Variants in VWA5B1 observed in about 807,000 individuals in gnomAD.
The protein encoded by VWA5B1 is von Willebrand factor A domain-containing protein 5B1.
Under a neutral mutation model 118.2 loss-of-function variants are expected in VWA5B1, and 115 were observed. The ratio of observed to expected loss-of-function variants is 0.97; its 90% CI spans 0.84 to 1.14. The LOEUF is 1.14. Ranked by LOEUF, VWA5B1 falls within the 50% of genes most tolerant of loss-of-function variation. The pLI, the probability that VWA5B1 is intolerant of heterozygous loss-of-function variation, is 0.00. For missense variants in VWA5B1, 1,596 were observed against 1,603.8 expected (o/e 1.00, Z 0.08); for synonymous variants, 682 against 658.4 (o/e 1.04, Z -0.55).
chr1:20,306,548 C>T (rs1406630211), intron 1 of VWA5B1, among the ~76,000 whole-genome samples: 1 of 152,208 alleles, frequency 6.6e-6, no homozygotes, highest in Non-Finnish European at 1.5e-5. Flanking sequence ...TATCTCTACT[C>T]ACGCCTGCCT....
At chr1:20,297,420 C>G (rs1041517322) in intron 1 of VWA5B1, among the ~76,000 whole-genome samples, 2 of 152,242 alleles carry the variant, frequency 1.3e-5, no homozygotes, top group African/African-American at 4.8e-5. Context: ...AAGTGACACA[C>G]GTCGCTTCCA....
At position 20,354,041 on chromosome 1, in the gene VWA5B1, G is replaced by A. The variant is rs1000679260; in HGVS notation, c.3426G>A (p.Thr1142=). 1.5e-5 allele frequency: 24 copies of A among 1,551,548 alleles called. No homozygotes were observed. Among genetic ancestry groups the A allele is most frequent in the Admixed American group, 3.9e-5 (2 of 50,992 alleles). The change falls in exon 22 of 22, where the codon ACG becomes ACA. Residue 1142 remains threonine, a synonymous_variant. Coordinates refer to ENST00000289815, the MANE Select transcript of VWA5B1 (RefSeq NM_001039500.3). Reference sequence around the variant, plus strand: ...AGCACACTGGGAAGCTGTGGGCCACGGTGGTGGGGCTGGCATGGCTGGAGC... The same window carrying A: ...AGCACACTGGGAAGCTGTGGGCCACAGTGGTGGGGCTGGCATGGCTGGAGC... ...VVEHTGKLWA[T]VVGLAWLEHS...
chr1:20,350,635 C>T (rs1025430440), intron 19 of VWA5B1, among the ~76,000 whole-genome samples: 4 of 152,340 alleles, frequency 2.6e-5, no homozygotes, highest in African/African-American at 7.2e-5. Flanking sequence ...CAGGGGCTGC[C>T]GGCCAAGGAA....
chr1:20,327,763 G>A, intron 8 of VWA5B1, 127 bp from the exon 9 acceptor site: 1 of 798,600 alleles, frequency 1.3e-6, no homozygotes, highest in Non-Finnish European at 2.1e-6. Context: ...GTTGCTGGGT[G>A]CAGACAGAGG....
intron 1 of VWA5B1, among the ~76,000 whole-genome samples, chr1:20,308,436 TC>T (rs939124483): frequency 6.6e-6 from 1 of 152,060 alleles, no homozygotes; most frequent in African/African-American, 2.4e-5. Flanking sequence ...AAGGCTGCGT[TC>T]CCCAATCAGC....
At chr1:20,330,095 T>C in intron 9 of VWA5B1, 85 bp from the exon 10 acceptor site, 2 of 1,451,634 alleles carry the variant, frequency 1.4e-6, no homozygotes, top group Non-Finnish European at 1.9e-6. Context: ...TAAAAGAAGA[T>C]CTAGGGAAAC....
In VWA5B1 at chr1:20,336,465, G is replaced by T; in HGVS notation, c.1921G>T (p.Gly641Ter). The change falls in exon 13 of 22, where the codon GGA (glycine) becomes TGA (stop). Residue 641 changes from glycine to a stop codon, truncating the protein, a stop_gained. Coordinates refer to ENST00000289815, the MANE Select transcript of VWA5B1 (RefSeq NM_001039500.3). LOFTEE classifies it high-confidence loss of function. ...GQAKNARLASGDSTTKHDLNL... is the reference protein window; with the variant it reads ...GQAKNARLAS ...GGCCAAAAATGCCCGGCTAGCCAGC[G>T]GAGACTCTACCACCAAGCACGGTTC... 1 of 1,463,148 alleles carries T rather than the reference G, an allele frequency of 6.8e-7. No individual in the cohort carries two copies. The highest frequency in any genetic ancestry group is 1.5e-5 in the South Asian group (1 of 66,992). 90.6% of individuals were successfully genotyped at this position (1,463,148 alleles called of 1,614,324 possible).
chr1:20,350,761 C>T, intron 19 of VWA5B1, 96 bp from the exon 20 acceptor site: 1 of 1,186,898 alleles, frequency 8.4e-7, no homozygotes. Context: ...AGCTAAGCAC[C>T]TGCCCCTCTC....
intron 7 of VWA5B1, among the ~76,000 whole-genome samples, chr1:20,321,897 G>A (rs983481208): frequency 6.6e-6 from 1 of 152,192 alleles, no homozygotes; most frequent in African/African-American, 2.4e-5. Context: ...GCCACAGGGG[G>A]CTTCCTAAAC....
At chr1:20,353,678 G>T (rs1414696045) in intron 21 of VWA5B1, 79 bp from the exon 22 acceptor site, 1 of 1,425,518 alleles carries the variant, frequency 7.0e-7, no homozygotes, top group East Asian at 2.6e-5. Context: ...TGGGCAACAT[G>T]GATCCAGACT....
At chr1:20,321,701 G>A (rs1435826823) in intron 7 of VWA5B1, among the ~76,000 whole-genome samples, 1 of 151,332 alleles carries the variant, frequency 6.6e-6, no homozygotes, top group East Asian at 1.9e-4. Flanking sequence ...AAGCCTGTCT[G>A]AGGATGAGAC....
At chr1:20,352,818 C>A (rs2090155657) in intron 21 of VWA5B1, among the ~76,000 whole-genome samples, 1 of 152,192 alleles carries the variant, frequency 6.6e-6, no homozygotes, top group African/African-American at 2.4e-5. Context: ...ATATCCAGGG[C>A]AACTGAGCAC....
intron 6 of VWA5B1, 80 bp from the exon 7 acceptor site, chr1:20,319,302 C>A (rs1185343718): frequency 5.3e-6 from 8 of 1,522,880 alleles, no homozygotes; most frequent in Non-Finnish European, 7.1e-6. Context: ...CTGTGAGAAT[C>A]TTGCACCTAA....
intron 9 of VWA5B1, among the ~76,000 whole-genome samples, chr1:20,329,121 A>C (rs2089469644): frequency 6.6e-6 from 1 of 152,156 alleles, no homozygotes; most frequent in East Asian, 1.9e-4. Flanking sequence ...TCAAGCATTA[A>C]AGTTCTTTCC....
At chr1:20,296,544 G>C (rs1374987073) in intron 1 of VWA5B1, among the ~76,000 whole-genome samples, 2 of 152,206 alleles carry the variant, frequency 1.3e-5, no homozygotes, top group African/African-American at 2.4e-5. Context: ...ATTATGCTGT[G>C]ACAGTGAAAT....
chr1:20,311,254 T>C (rs114421980), intron 2 of VWA5B1, among the ~76,000 whole-genome samples: 2,680 of 152,324 alleles, frequency 0.018, 34 homozygotes, highest in Middle Eastern at 0.037. Context: ...ATTACAGGCA[T>C]GAGCCACAGC....
chr1:20,304,503 C>G (rs576333079), intron 1 of VWA5B1, among the ~76,000 whole-genome samples: 1 of 152,186 alleles, frequency 6.6e-6, no homozygotes, highest in Non-Finnish European at 1.5e-5. Context: ...GTTTGACTTA[C>G]TCTTTTGGAC....
Position 20,314,449 on chromosome 1 carries a change from T to C in VWA5B1, c.420T>C (p.Asn140=), listed in dbSNP as rs779021667. The change falls in exon 4 of 22, where the codon AAT becomes AAC. Residue 140 remains asparagine, a synonymous_variant. Transcript: ENST00000289815. ...ANLGTIAPME[N]VTIFISTSSE... ...TGGGGACCATTGCCCCCATGGAGAA[T>C]GTCACCATCTTCATCAGCACCTCCT... The C allele has an allele frequency of 6.4e-7, 1 of 1,551,836 alleles. No homozygotes were observed.
intron 7 of VWA5B1, among the ~76,000 whole-genome samples, chr1:20,320,926 C>T (rs777918623): frequency 1.3e-5 from 2 of 151,934 alleles, no homozygotes; most frequent in Admixed American, 6.5e-5. Flanking sequence ...AGCGGCTTCA[C>T]GTGGGAGAGA....
Sources: gnomAD v4.1 joint callset for allele counts (sites outside exome capture counted in the v4.1 genomes callset) on GRCh38, gnomAD v4.1.1 for gene constraint, MANE v1.5 for transcripts, NCBI Gene and HGNC (gene_info 2026-07-23, HGNC 2026-07-21) for gene names.